The following OPRM1 variants were observed in gnomAD, a reference collection of about 807,000 sequenced individuals.
OPRM1 encodes the protein opioid receptor mu 1.
OPRM1 carries 27 observed loss-of-function variants against 31.8 expected under a neutral mutation model. That is an observed-to-expected ratio of 0.85 (90% CI 0.63 to 1.17). OPRM1 has a LOEUF of 1.17. Ranked by LOEUF, OPRM1 falls within the 50% of genes most tolerant of loss-of-function variation. The pLI, the probability that OPRM1 is intolerant of heterozygous loss-of-function variation, is 0.00. For missense variants in OPRM1, 536 were observed against 511.1 expected, an observed-to-expected ratio of 1.05 and a Z score of -0.47; for synonymous variants, 196 against 189.9, an observed-to-expected ratio of 1.03 and a Z score of -0.26.
intron 3 of OPRM1, among the ~76,000 whole-genome samples, chr6:154,180,408 ATATATATT>A (rs1468299615): frequency 5.1e-5 from 2 of 39,498 alleles, no homozygotes; most frequent in Admixed American, 3.7e-4. Flanking sequence ...ATATATATAT[ATATATATT>A]TTTTTTTTAA....
chr6:154,088,342 G>C (rs990596407), intron 1 of OPRM1, among the ~76,000 whole-genome samples: 4 of 152,006 alleles, frequency 2.6e-5, no homozygotes, highest in African/African-American at 9.7e-5. Context: ...GGACAGGGAG[G>C]GGCAAACAGG....
chr6:154,112,478 A>G (rs1197804119), intron 3 of OPRM1, among the ~76,000 whole-genome samples: 1 of 152,188 alleles, frequency 6.6e-6, no homozygotes, highest in East Asian at 1.9e-4. Flanking sequence ...ACAGCAGCTG[A>G]GGAGTTCAGA....
chr6:154,086,282 T>A (rs556794387), intron 1 of OPRM1, among the ~76,000 whole-genome samples: 23 of 152,252 alleles, frequency 1.5e-4, no homozygotes, highest in Non-Finnish European at 2.6e-4. Flanking sequence ...TTTTATATGT[T>A]GCTGTGATCC....
In OPRM1 at chr6:154,129,663, A is replaced by G. The variant is rs1797776988; in HGVS notation, c.*10942A>G. ...TCATTTGAAAAATAGTTCTATATCT[A>G]TTCTTGAAACATATTTCTTTAGTTC... On this transcript the variant is annotated 3_prime_UTR_variant, in exon 4 of 4. Transcript: ENST00000330432. 6.6e-6 allele frequency among the ~76,000 whole-genome samples: 1 copy of G among 152,188 alleles called. No individual in the cohort carries two copies. The highest frequency in any genetic ancestry group is 6.5e-5 in the Admixed American group (1 of 15,278).
intron 1 of OPRM1, among the ~76,000 whole-genome samples, chr6:154,028,388 G>T (rs558428904): frequency 6.6e-6 from 1 of 152,104 alleles, no homozygotes; most frequent in Non-Finnish European, 1.5e-5. Context: ...TTCTCCTCTC[G>T]TAGAGTGGAG....
At chr6:154,103,428 G>C (rs932046578) in intron 3 of OPRM1, among the ~76,000 whole-genome samples, 2 of 152,148 alleles carry the variant, frequency 1.3e-5, no homozygotes, top group African/African-American at 4.8e-5. Context: ...GAACATTACT[G>C]GACCCGGAAA....
intron 1 of OPRM1, among the ~76,000 whole-genome samples, chr6:154,047,568 G>C (rs1781375583): frequency 6.6e-6 from 1 of 152,002 alleles, no homozygotes; most frequent in Non-Finnish European, 1.5e-5. Flanking sequence ...ATGCAAAGAG[G>C]TTCCACCAAA....
At chr6:154,226,681 C>T (rs1336429733) in intron 3 of OPRM1, among the ~76,000 whole-genome samples, 3 of 152,180 alleles carry the variant, frequency 2.0e-5, no homozygotes, top group African/African-American at 7.2e-5. Context: ...GTGTCCAAAT[C>T]ACAGTCACAG....
At chr6:154,214,627 C>T (rs1458079905) in intron 3 of OPRM1, among the ~76,000 whole-genome samples, 1 of 152,004 alleles carries the variant, frequency 6.6e-6, no homozygotes, top group Non-Finnish European at 1.5e-5. Context: ...AGTAACTTGG[C>T]TATTAAAGTT....
At chr6:154,068,461 T>C (rs1253819947) in intron 1 of OPRM1, among the ~76,000 whole-genome samples, 1 of 152,186 alleles carries the variant, frequency 6.6e-6, no homozygotes, top group Non-Finnish European at 1.5e-5. Context: ...ATATGGTATT[T>C]GTCTTTCTGT....
chr6:154,174,066 C>T (rs1250814720), intron 3 of OPRM1, among the ~76,000 whole-genome samples: 1 of 152,120 alleles, frequency 6.6e-6, no homozygotes, highest in Non-Finnish European at 1.5e-5. Context: ...CATATCCAGC[C>T]AAACTAAGCT....
intron 3 of OPRM1, among the ~76,000 whole-genome samples, chr6:154,100,009 A>G (rs1794358534): frequency 1.5e-5 from 2 of 132,408 alleles, no homozygotes; most frequent in South Asian, 4.8e-4. Context: ...TCATATTATG[A>G]TATATATCAT....
chr6:154,203,911 G>A (rs995323576), intron 3 of OPRM1, among the ~76,000 whole-genome samples: 1 of 152,112 alleles, frequency 6.6e-6, no homozygotes, highest in East Asian at 1.9e-4. Context: ...TGATTTATCC[G>A]AATCCCAGGA....
chr6:154,015,837 C>A (rs766929812), intron 1 of OPRM1, among the ~76,000 whole-genome samples: 4 of 151,732 alleles, frequency 2.6e-5, no homozygotes, highest in Non-Finnish European at 5.9e-5. Flanking sequence ...CACAAGAAAG[C>A]AAATGGCTCT....
At chr6:154,163,297 C>T (rs1345385243) in intron 3 of OPRM1, among the ~76,000 whole-genome samples, 3 of 152,204 alleles carry the variant, frequency 2.0e-5, no homozygotes, top group South Asian at 2.1e-4. Flanking sequence ...GGCACACTCC[C>T]GCCCCAAGGT....
chr6:154,197,843 G>C (rs1583773757), intron 3 of OPRM1, among the ~76,000 whole-genome samples: 1 of 152,274 alleles, frequency 6.6e-6, no homozygotes, highest in East Asian at 1.9e-4. Context: ...GTGTGTGTTT[G>C]AAATTTTTTT....
chr6:154,195,854 C>T (rs1014552470), intron 3 of OPRM1, among the ~76,000 whole-genome samples: 1 of 148,904 alleles, frequency 6.7e-6, no homozygotes, highest in South Asian at 2.1e-4. Context: ...TGCAGTGGTG[C>T]AATCTCGGCT....
At chr6:154,085,676 G>A (rs1167120326) in intron 1 of OPRM1, among the ~76,000 whole-genome samples, 3 of 152,114 alleles carry the variant, frequency 2.0e-5, no homozygotes, top group East Asian at 1.9e-4. Context: ...AAGGAAAAAG[G>A]CTTGTGTTTT....
Position 154,127,032 on chromosome 6 carries a change from TG to T in OPRM1, c.*8315del, listed in dbSNP as rs1291920417. ...GCTGAGGCAGGAGAATTGCTTGAAC[TG>T]GGGAGGCGGAAGTTGCAGTGAGCCA... On this transcript the variant is annotated 3_prime_UTR_variant, in exon 4 of 4. Transcript: ENST00000330432. Among the ~76,000 whole-genome samples, 1 of 149,264 alleles carries T rather than the reference TG, an allele frequency of 6.7e-6. No individual in the cohort carries two copies. Among genetic ancestry groups the T allele is most frequent in the Non-Finnish European group, 1.5e-5 (1 of 67,564 alleles).
Sources: allele counts gnomAD v4.1 joint callset (sites outside exome capture counted in the v4.1 genomes callset), GRCh38; gene constraint gnomAD v4.1.1; transcripts MANE v1.5; gene names NCBI Gene and HGNC (gene_info 2026-07-23, HGNC 2026-07-21).